Variants in DLG2 observed in about 807,000 individuals in gnomAD.
DLG2 encodes the protein disks large homolog 2.
A neutral mutation model predicts 132.5 loss-of-function variants in DLG2; 45 were observed. The ratio of observed to expected loss-of-function variants is 0.34; its 90% CI spans 0.27 to 0.44. The LOEUF is 0.44. DLG2 is among the 20% of genes least tolerant of loss of function. The pLI is 1.00. For missense variants in DLG2, 1,045 were observed against 1,196.9 expected, an observed-to-expected ratio of 0.87 and a Z score of 1.87; for synonymous variants, 424 against 419.6, an observed-to-expected ratio of 1.01 and a Z score of -0.13.
At chr11:84,858,938 T>G (rs773977876) in intron 6 of DLG2, among the ~76,000 whole-genome samples, 8 of 151,996 alleles carry the variant, frequency 5.3e-5, no homozygotes, top group Non-Finnish European at 1.2e-4. Context: ...ATAACCAAGG[T>G]CTAAATCACA....
chr11:85,044,956 T>C (rs2062198065), intron 6 of DLG2, among the ~76,000 whole-genome samples: 1 of 152,094 alleles, frequency 6.6e-6, no homozygotes, highest in South Asian at 2.1e-4. Flanking sequence ...GATACTGATA[T>C]AACTTCTGGC....
intron 11 of DLG2, among the ~76,000 whole-genome samples, chr11:83,985,810 A>G (rs1412889757): frequency 1.3e-5 from 2 of 152,132 alleles, no homozygotes; most frequent in Admixed American, 6.6e-5. Flanking sequence ...TAGTGTTGCA[A>G]TGAAAATACA....
chr11:85,466,111 G>A (rs2092779391), intron 3 of DLG2, among the ~76,000 whole-genome samples: 1 of 152,224 alleles, frequency 6.6e-6, no homozygotes, highest in Admixed American at 6.5e-5. Flanking sequence ...CTTCTTTTGA[G>A]AAGTGTCTGT....
intron 6 of DLG2, among the ~76,000 whole-genome samples, chr11:85,110,139 A>T (rs1270301935): frequency 6.6e-6 from 1 of 152,114 alleles, no homozygotes; most frequent in East Asian, 1.9e-4. Context: ...ACCATCAGGG[A>T]TACAATAAAA....
intron 19 of DLG2, among the ~76,000 whole-genome samples, chr11:83,587,690 C>T (rs932282576): frequency 3.3e-5 from 5 of 152,176 alleles, no homozygotes; most frequent in Non-Finnish European, 7.4e-5. Flanking sequence ...GCGTGAGCTA[C>T]GCAGAAGACG....
intron 9 of DLG2, among the ~76,000 whole-genome samples, chr11:84,112,088 C>T (rs1232902740): frequency 6.6e-6 from 1 of 152,078 alleles, no homozygotes; most frequent in Non-Finnish European, 1.5e-5. Context: ...TCTTGGCTCA[C>T]TGCAAGCTCC....
chr11:85,591,287 G>T (rs1233338274), intron 3 of DLG2, among the ~76,000 whole-genome samples: 1 of 152,170 alleles, frequency 6.6e-6, no homozygotes, highest in Admixed American at 6.6e-5. Context: ...GAAGAGACTT[G>T]TATCTAACAG....
chr11:83,947,304 T>A (rs1325606210), intron 14 of DLG2, among the ~76,000 whole-genome samples: 2 of 152,216 alleles, frequency 1.3e-5, no homozygotes. Context: ...TTTGCATGAC[T>A]TTTACAATTA....
chr11:84,236,278 A>G (rs943890267), intron 8 of DLG2, among the ~76,000 whole-genome samples: 7 of 152,250 alleles, frequency 4.6e-5, no homozygotes, highest in Admixed American at 2.6e-4. Flanking sequence ...GTCCTTCTTA[A>G]AGTATGTGCA....
intron 8 of DLG2, among the ~76,000 whole-genome samples, chr11:84,246,591 C>G (rs1482124807): frequency 6.6e-6 from 1 of 152,098 alleles, no homozygotes; most frequent in Non-Finnish European, 1.5e-5. Flanking sequence ...CTGCTAAGAT[C>G]TATAGTAAAA....
chr11:85,298,243 T>C (rs1269609741), intron 3 of DLG2, among the ~76,000 whole-genome samples: 2 of 152,180 alleles, frequency 1.3e-5, no homozygotes, highest in Non-Finnish European at 1.5e-5. Context: ...AGTGTTAGAC[T>C]GGAACTGGAG....
intron 8 of DLG2, among the ~76,000 whole-genome samples, chr11:84,243,197 T>C (rs1283771879): frequency 6.6e-6 from 1 of 152,178 alleles, no homozygotes; most frequent in Non-Finnish European, 1.5e-5. Context: ...CATTGTTTAA[T>C]ACAATACCCA....
At chr11:85,472,277 G>A (rs1456206173) in intron 3 of DLG2, among the ~76,000 whole-genome samples, 2 of 151,940 alleles carry the variant, frequency 1.3e-5, no homozygotes, top group Non-Finnish European at 1.5e-5. Flanking sequence ...CCCACCTCAG[G>A]TCCTCTCAAC....
chr11:83,460,928 C>T (rs1438876776), intron 27 of DLG2, among the ~76,000 whole-genome samples: 3 of 149,684 alleles, frequency 2.0e-5, no homozygotes, highest in East Asian at 3.9e-4. Flanking sequence ...CTGACACTTT[C>T]TATATTCTGA....
chr11:84,169,121 A>G (rs1391679163), intron 8 of DLG2, among the ~76,000 whole-genome samples: 1 of 152,208 alleles, frequency 6.6e-6, no homozygotes, highest in Non-Finnish European at 1.5e-5. Context: ...TATGTGAAGA[A>G]TAGTACTAAA....
intron 9 of DLG2, among the ~76,000 whole-genome samples, chr11:84,142,429 C>CA (rs1303412160): frequency 2.0e-5 from 3 of 151,484 alleles, no homozygotes; most frequent in Non-Finnish European, 2.9e-5. Context: ...GTTGTGATTA[C>CA]AAAGGTGAAC....
At chr11:84,370,103 G>A (rs573634983) in intron 7 of DLG2, among the ~76,000 whole-genome samples, 95 of 152,246 alleles carry the variant, frequency 6.2e-4, no homozygotes, top group African/African-American at 2.2e-3. Context: ...TTACAAGGAA[G>A]AGGATATCCC....
intron 8 of DLG2, among the ~76,000 whole-genome samples, chr11:84,227,723 G>C (rs941923668): frequency 2.2e-4 from 34 of 152,012 alleles, no homozygotes; most frequent in South Asian, 1.0e-3. Context: ...AGACCACCCT[G>C]GCCGACATAA....
chr11:85,602,241 A>G (rs1230477772), intron 2 of DLG2, among the ~76,000 whole-genome samples: 1 of 152,184 alleles, frequency 6.6e-6, no homozygotes, highest in Non-Finnish European at 1.5e-5. Context: ...GTGGGCTCCA[A>G]CATCAAATTA....
Sources: allele counts gnomAD v4.1 joint callset (sites outside exome capture counted in the v4.1 genomes callset), GRCh38; gene constraint gnomAD v4.1.1; transcripts MANE v1.5; gene names NCBI Gene and HGNC (gene_info 2026-07-23, HGNC 2026-07-21).